Variants in PRH1 observed in about 807,000 individuals in gnomAD.
PRH1 encodes the protein proline rich protein HaeIII subfamily 1.
Under a neutral mutation model 7.9 loss-of-function variants are expected in PRH1, and 7 were observed. The ratio of observed to expected loss-of-function variants is 0.89; its 90% confidence interval spans 0.50 to 1.67. PRH1 has a LOEUF of 1.67. Among genes scored for constraint, PRH1 ranks in the 40% most tolerant of loss-of-function variants. PRH1 has a pLI of 0.00. For synonymous variants in PRH1, 45 were observed against 80.8 expected (o/e 0.56, Z 2.38); for missense variants, 109 against 223.6 (o/e 0.49, Z 3.27).
At chr12:11,125,432 T>C (rs75551276) in intron 1 of PRH1, among the ~76,000 whole-genome samples, 1 of 151,404 alleles carries the variant, frequency 6.6e-6, no homozygotes. Context: ...AAATTCTCTC[T>C]ACTGCTTATT....
intron 1 of PRH1, chr12:11,031,022 A>C (rs764666390): frequency 6.2e-7 from 1 of 1,614,308 alleles, no homozygotes; most frequent in South Asian, 1.1e-5. Flanking sequence ...GAGCAAATAA[A>C]ATATGCTGAG....
chr12:11,084,558 G>A (rs73064910), intron 1 of PRH1, among the ~76,000 whole-genome samples: 15,604 of 72,458 alleles, frequency 0.22, 1,555 homozygotes, highest in Non-Finnish European at 0.29. Flanking sequence ...TCTAGGAGCA[G>A]TGTATGAAAA....
At chr12:10,891,263 AC>A (rs1949569444) in intron 2 of PRH1, among the ~76,000 whole-genome samples, 1 of 152,208 alleles carries the variant, frequency 6.6e-6, no homozygotes, top group Non-Finnish European at 1.5e-5. Flanking sequence ...TCTGAATGTA[AC>A]AACTTTGGGA....
At chr12:10,886,089 C>A (rs143118990), upstream of PRH1, among the ~76,000 whole-genome samples, 3 of 152,272 alleles carry the variant, frequency 2.0e-5, no homozygotes, top group Non-Finnish European at 4.4e-5. Flanking sequence ...AGTAGATCAG[C>A]TCTAGCTGGG....
intron 1 of PRH1, among the ~76,000 whole-genome samples, chr12:11,026,668 C>T (rs1273169182): frequency 2.6e-5 from 4 of 152,136 alleles, no homozygotes; most frequent in Non-Finnish European, 5.9e-5. Flanking sequence ...ATTCACTAAA[C>T]CTATCTGGCC....
intron 2 of PRH1, among the ~76,000 whole-genome samples, chr12:10,951,447 C>T (rs1937663109): frequency 6.6e-6 from 1 of 152,126 alleles, no homozygotes; most frequent in African/African-American, 2.4e-5. Context: ...CAAAAGCATT[C>T]AAGATTTTCT....
chr12:11,086,320 TC>T (rs1314139653), intron 1 of PRH1, among the ~76,000 whole-genome samples: 1 of 123,070 alleles, frequency 8.1e-6, no homozygotes, highest in Non-Finnish European at 1.9e-5. Flanking sequence ...TTATAACTAT[TC>T]CTCGGACACT....
intron 1 of PRH1, among the ~76,000 whole-genome samples, chr12:11,014,089 T>C (rs773895875): frequency 2.0e-5 from 3 of 152,224 alleles, no homozygotes; most frequent in Non-Finnish European, 4.4e-5. Flanking sequence ...CATAATGTGC[T>C]ATATGCCAAC....
chr12:10,885,252 G>A (rs139403816), upstream of PRH1, among the ~76,000 whole-genome samples: 4 of 152,238 alleles, frequency 2.6e-5, no homozygotes, highest in Admixed American at 2.0e-4. Context: ...TATGTCACCT[G>A]TTTCATCAGA....
chr12:11,021,859 A>T, intron 1 of PRH1: 2 of 1,614,256 alleles, frequency 1.2e-6, no homozygotes, highest in Non-Finnish European at 1.7e-6. Context: ...GTAAATGGCA[A>T]ATAACATGAG....
At position 11,097,400 on chromosome 12, in the gene PRH1, T is replaced by G. The variant is rs1187932640; in HGVS notation, n.124-50212A>C. The G allele has an allele frequency of 1.7e-5, 2 of 116,338 alleles. 1 individual carries two copies. Among genetic ancestry groups the G allele is most frequent in the African/African-American group, 5.8e-5 (2 of 34,640 alleles). The allele number at this position is 116,338 out of a possible 1,614,324, so 7.2% of individuals were successfully genotyped here. On this transcript the variant is annotated intron_variant and non_coding_transcript_variant, in intron 1 of 4. Transcript: ENST00000541977. ...TTGACAGTTTGGTCCTAAAATCCGC[T>G]CTTTAGAAATAAAAGCGTGCTCAAA... is the stretch of plus-strand genomic sequence containing the variant.
chr12:10,931,173 T>C (rs1950206202), intron 2 of PRH1: 2 of 1,563,006 alleles, frequency 1.3e-6, no homozygotes, highest in African/African-American at 2.7e-5. Context: ...GCTGTTAATA[T>C]TTCCGTGTCC....
intron 1 of PRH1, among the ~76,000 whole-genome samples, chr12:11,053,911 C>G (rs1408585237): frequency 1.3e-5 from 2 of 152,180 alleles, no homozygotes; most frequent in Non-Finnish European, 2.9e-5. Flanking sequence ...ACCTCCGCCT[C>G]CAAGGTTCAA....
At chr12:11,121,688 G>GTA (rs1945909889) in intron 1 of PRH1, among the ~76,000 whole-genome samples, 2 of 123,362 alleles carry the variant, frequency 1.6e-5, no homozygotes, top group Non-Finnish European at 1.8e-5. Flanking sequence ...ACTGTTTTTG[G>GTA]TATACATATA....
intron 1 of PRH1, among the ~76,000 whole-genome samples, chr12:11,021,225 A>T (rs1941609019): frequency 6.6e-6 from 1 of 152,200 alleles, no homozygotes; most frequent in South Asian, 2.1e-4. Context: ...CTTATCATTG[A>T]TTTAAAATTG....
intron 1 of PRH1, among the ~76,000 whole-genome samples, chr12:11,105,140 A>T (rs932392521): frequency 5.3e-5 from 8 of 152,194 alleles, no homozygotes; most frequent in South Asian, 4.1e-4. Flanking sequence ...ATAATTAGTT[A>T]ACAGCATACA....
At chr12:11,153,825 G>C (rs1330053372) in intron 1 of PRH1, among the ~76,000 whole-genome samples, 1 of 152,044 alleles carries the variant, frequency 6.6e-6, no homozygotes, top group Admixed American at 6.6e-5. Context: ...TGAGATATAT[G>C]AGTAGAAATG....
chr12:10,989,884 T>G (rs527625766), intron 1 of PRH1, among the ~76,000 whole-genome samples: 1 of 152,364 alleles, frequency 6.6e-6, no homozygotes, highest in East Asian at 1.9e-4. Flanking sequence ...TACATAAAGT[T>G]TTTCCTCTAC....
At chr12:10,896,375 A>C (rs1283764123) in intron 2 of PRH1, among the ~76,000 whole-genome samples, 1 of 152,190 alleles carries the variant, frequency 6.6e-6, no homozygotes, top group African/African-American at 2.4e-5. Flanking sequence ...CTTCATTATC[A>C]ACCTCACTAA....
Sources: allele counts gnomAD v4.1 joint callset (sites outside exome capture counted in the v4.1 genomes callset), GRCh38; gene constraint gnomAD v4.1.1; transcripts MANE v1.5; gene names NCBI Gene and HGNC (gene_info 2026-07-23, HGNC 2026-07-21).